ZHX2: variants seen among roughly 807,000 people sequenced by gnomAD.
ZHX2 encodes zinc fingers and homeoboxes protein 2.
A neutral mutation model predicts 21.9 loss-of-function variants in ZHX2; 6 were observed. The ratio of observed to expected loss-of-function variants is 0.27; its 90% CI spans 0.15 to 0.54. The LOEUF (loss-of-function observed/expected upper bound fraction) is 0.54. Among genes scored for constraint, ZHX2 ranks in the 20% least tolerant of loss-of-function variants. ZHX2 has a pLI of 0.95. For synonymous variants in ZHX2, 434 were observed against 437.1 expected (o/e 0.99, Z 0.09); for missense variants, 908 against 1,090.7 (o/e 0.83, Z 2.36).
chr8:122,940,956 A>G (rs6982718), intron 2 of ZHX2, among the ~76,000 whole-genome samples: 5,707 of 151,668 alleles, frequency 0.038, 339 homozygotes, highest in African/African-American at 0.13. Flanking sequence ...TAAACCAGGT[A>G]TGGTGGCTCC....
chr8:122,913,432 A>G (rs1461949240), intron 2 of ZHX2, among the ~76,000 whole-genome samples: 2 of 152,202 alleles, frequency 1.3e-5, no homozygotes, highest in African/African-American at 2.4e-5. Context: ...CATGCCCCTA[A>G]AAATAATTTC....
At chr8:122,869,017 T>G (rs564150224) in intron 2 of ZHX2, among the ~76,000 whole-genome samples, 10 of 152,180 alleles carry the variant, frequency 6.6e-5, no homozygotes, top group Non-Finnish European at 1.2e-4. Context: ...AACAGACAAG[T>G]GCACCTTTAT....
At chr8:122,811,134 C>A (rs185867963) in intron 1 of ZHX2, among the ~76,000 whole-genome samples, 2 of 152,118 alleles carry the variant, frequency 1.3e-5, no homozygotes, top group African/African-American at 2.4e-5. Flanking sequence ...AATCCCGGCA[C>A]TTTGGGAGGC....
rs1333600862 is a variant in ZHX2, at chr8:122,953,379, A to T, written c.1869A>T (p.Thr623=). 1 of 1,614,132 alleles carries T rather than the reference A, an allele frequency of 6.2e-7. No homozygotes were observed. Among genetic ancestry groups the T allele is most frequent in the South Asian group, 1.1e-5 (1 of 91,086 alleles). ...ACCAGCTCTCCGGTGCCCAGTTAAC[A>T]AGTTCTCTGCCCAGCCCTTCGCCAG... The part of the protein sequence containing the change: ...RLDQLSGAQL[T]SSLPSPSPAI... Residue 623 remains threonine, a synonymous_variant, in exon 3 of 4, where the codon ACA becomes ACT. Coordinates refer to ENST00000314393, the MANE Select transcript of ZHX2 (RefSeq NM_014943.5). This position sits in a 1 kb window ranked among gnomAD's most constrained non-coding sequence, Gnocchi z 4.6.
intron 1 of ZHX2, among the ~76,000 whole-genome samples, chr8:122,795,002 G>A (rs1817591475): frequency 6.6e-6 from 1 of 152,186 alleles, no homozygotes; most frequent in African/African-American, 2.4e-5. Flanking sequence ...GAAATACTAT[G>A]AGCCACTTCT....
chr8:122,791,451 G>C (rs935499404), intron 1 of ZHX2, among the ~76,000 whole-genome samples: 2 of 152,178 alleles, frequency 1.3e-5, no homozygotes, highest in Admixed American at 1.3e-4. Flanking sequence ...TCGGGTGACT[G>C]CCCACTTTAG....
chr8:122,954,421 C>G (rs564195809), intron 3 of ZHX2, among the ~76,000 whole-genome samples: 4 of 152,144 alleles, frequency 2.6e-5, no homozygotes, highest in Non-Finnish European at 5.9e-5. Flanking sequence ...GATCCTCCCC[C>G]CTCAGCTTAT....
chr8:122,872,803 T>C (rs1389377474), intron 2 of ZHX2, among the ~76,000 whole-genome samples: 2 of 152,262 alleles, frequency 1.3e-5, no homozygotes, highest in African/African-American at 4.8e-5. Context: ...TGCGCCCAGC[T>C]GGATCTAAGC....
At chr8:122,950,607 G>A (rs142195180) in intron 2 of ZHX2, among the ~76,000 whole-genome samples, 262 of 151,944 alleles carry the variant, frequency 1.7e-3, no homozygotes, top group Non-Finnish European at 3.1e-3. Flanking sequence ...AAAGTCCAAT[G>A]GCTGAACGTA....
At chr8:122,829,639 A>G (rs1818330158) in intron 1 of ZHX2, among the ~76,000 whole-genome samples, 1 of 152,256 alleles carries the variant, frequency 6.6e-6, no homozygotes, top group African/African-American at 2.4e-5. Flanking sequence ...TCCCACCTTC[A>G]AGTGCTGAGG....
chr8:122,800,018 C>T (rs1318393556), intron 1 of ZHX2, among the ~76,000 whole-genome samples: 5 of 152,082 alleles, frequency 3.3e-5, no homozygotes, highest in South Asian at 2.1e-4. Context: ...CCACCACACC[C>T]GGCTGATTTT....
chr8:122,796,984 G>A (rs1345310076), intron 1 of ZHX2, among the ~76,000 whole-genome samples: 1 of 152,124 alleles, frequency 6.6e-6, no homozygotes, highest in South Asian at 2.1e-4. Context: ...CCGGCCAGGG[G>A]GTTCCTTGGC....
chr8:122,816,406 C>A (rs1370410954), intron 1 of ZHX2: 1 of 151,304 alleles, frequency 6.6e-6, no homozygotes, highest in Non-Finnish European at 1.5e-5. Context: ...TCAATAGCTC[C>A]AAAGTATGCC....
At chr8:122,963,786 T>G (rs1438526911) in intron 3 of ZHX2, among the ~76,000 whole-genome samples, 1 of 152,216 alleles carries the variant, frequency 6.6e-6, no homozygotes, top group African/African-American at 2.4e-5. Flanking sequence ...GTTTGTGTCA[T>G]CTATGGTTTA....
At position 122,951,706 on chromosome 8, in the gene ZHX2, A is replaced by T. The variant is rs780451085; in HGVS notation, c.196A>T (p.Met66Leu). 1.2e-6 allele frequency: 2 copies of T among 1,614,150 alleles called. No homozygotes were observed. The highest frequency in any genetic ancestry group is 2.2e-5 in the South Asian group (2 of 91,064). The change falls in exon 3 of 4, where the codon ATG becomes TTG. Residue 66 changes from methionine (M) to leucine (L), a missense_variant. By Grantham distance (15) the Met-to-Leu change is conservative (BLOSUM62 2). Coordinates refer to ENST00000314393, the MANE Select transcript of ZHX2 (RefSeq NM_014943.5). Reference sequence around the variant, plus strand: ...AAACGAAGTGATAGAGGTGAAATCTATGGGGGAAAGCCAGTCCAAAAAACT... The same window carrying T: ...AAACGAAGTGATAGAGGTGAAATCTTTGGGGGAAAGCCAGTCCAAAAAACT... Reference protein sequence around the residue: ...KENEVIEVKSMGESQSKKLQG... With the variant: ...KENEVIEVKSLGESQSKKLQG...
chr8:122,844,028 G>T lies in ZHX2; in HGVS notation c.-282-19449G>T, dbSNP rs150239078. 1.7e-3 allele frequency among the ~76,000 whole-genome samples: 261 copies of T among 151,228 alleles called. 1 individual carries two copies. Among genetic ancestry groups the T allele is most frequent in the African/African-American group, 5.8e-3 (238 of 41,004 alleles). The stretch of plus-strand genomic sequence containing the variant: ...ATTTTCTGCAGTTAATTTTACATCC[G>T]CAAGGACCTCAGGAAGTCCTTCAAG... On this transcript the variant is annotated intron_variant, in intron 1 of 3. Transcript: ENST00000314393.
At chr8:122,963,609 C>T (rs1813511278) in intron 3 of ZHX2, among the ~76,000 whole-genome samples, 1 of 152,012 alleles carries the variant, frequency 6.6e-6, no homozygotes, top group African/African-American at 2.4e-5. Context: ...TATACGGGCT[C>T]TTTTTTGGTT....
At chr8:122,972,421 G>T (rs1813746832) in intron 3 of ZHX2, among the ~76,000 whole-genome samples, 1 of 152,070 alleles carries the variant, frequency 6.6e-6, no homozygotes, top group African/African-American at 2.4e-5. Flanking sequence ...TAAGTGCACG[G>T]ACTCTAGAGA....
chr8:122,939,231 C>T (rs1328959720), intron 2 of ZHX2, among the ~76,000 whole-genome samples: 1 of 152,178 alleles, frequency 6.6e-6, no homozygotes, highest in African/African-American at 2.4e-5. Flanking sequence ...AAGGCTGAGG[C>T]TTCAAAGGAT....
Sources: gnomAD v4.1 joint callset for allele counts (sites outside exome capture counted in the v4.1 genomes callset) on GRCh38, gnomAD v4.1.1 for gene constraint, Gnocchi (gnomAD v3.1) non-coding constraint, MANE v1.5 for transcripts, NCBI Gene and HGNC (gene_info 2026-07-23, HGNC 2026-07-21) for gene names.